The following NRG1 variants were observed in gnomAD, a reference collection of about 807,000 sequenced individuals.
NRG1 encodes pro-neuregulin-1, membrane-bound isoform.
NRG1 carries 18 observed loss-of-function variants against 63.8 expected under a neutral mutation model. The ratio of observed to expected loss-of-function variants is 0.28; its 90% CI spans 0.19 to 0.42. NRG1 has a LOEUF of 0.42. NRG1 is among the 10% of genes least tolerant of loss of function. The pLI is 1.00. For synonymous variants in NRG1, 302 were observed against 301.3 expected (o/e 1.00, Z -0.02); for missense variants, 762 against 814.7 (o/e 0.94, Z 0.79).
intron 5 of NRG1, among the ~76,000 whole-genome samples, chr8:32,633,151 G>C (rs1850654962): frequency 6.6e-6 from 1 of 151,802 alleles, no homozygotes; most frequent in Non-Finnish European, 1.5e-5. Flanking sequence ...TTGTGCTTTG[G>C]TATCACCAGT....
At chr8:31,888,825 T>C (rs776365) in intron 1 of NRG1, among the ~76,000 whole-genome samples, 103,605 of 151,922 alleles carry the variant, frequency 0.68, 35,740 homozygotes, top group East Asian at 0.92. Flanking sequence ...TTTCTCTCTG[T>C]TGATAGTTAT....
chr8:32,177,314 A>C, intron 1 of NRG1, among the ~76,000 whole-genome samples: 2 of 114,924 alleles, frequency 1.7e-5, no homozygotes, highest in African/African-American at 3.3e-5. Flanking sequence ...AACATCACAC[A>C]CTGGGGCCTG....
At chr8:32,659,146 CTTTTT>C (rs11408766) in intron 5 of NRG1, among the ~76,000 whole-genome samples, 3 of 136,040 alleles carry the variant, frequency 2.2e-5, no homozygotes, top group African/African-American at 8.1e-5. Context: ...CTTTTCTTTT[CTTTTT>C]TTTTTTTTTT....
intron 1 of NRG1, among the ~76,000 whole-genome samples, chr8:32,552,832 A>G (rs1259960546): frequency 6.6e-6 from 1 of 152,166 alleles, no homozygotes; most frequent in East Asian, 1.9e-4. Flanking sequence ...AGGAGAAAAA[A>G]TATATATAGA....
chr8:32,754,517 A>AAG, intron 8 of NRG1, 43 bp downstream of exon 8: 1 of 1,576,624 alleles, frequency 6.3e-7, no homozygotes, highest in African/African-American at 1.3e-5. Context: ...CTTCATGCAG[A>AAG]GACAGCTTAG....
At chr8:32,557,242 T>C (rs1194262095) in intron 1 of NRG1, among the ~76,000 whole-genome samples, 2 of 152,046 alleles carry the variant, frequency 1.3e-5, no homozygotes, top group African/African-American at 4.8e-5. Context: ...CTCCTGACCT[T>C]GTGATTAACC....
At chr8:32,347,902 T>C (rs866254717) in intron 1 of NRG1, among the ~76,000 whole-genome samples, 5 of 152,214 alleles carry the variant, frequency 3.3e-5, no homozygotes, top group African/African-American at 1.2e-4. Context: ...TCAATGTTCA[T>C]GAATACAAGA....
At chr8:32,718,180 A>G (rs533228697) in intron 5 of NRG1, among the ~76,000 whole-genome samples, 1 of 152,196 alleles carries the variant, frequency 6.6e-6, no homozygotes, top group African/African-American at 2.4e-5. Flanking sequence ...AATGGGCCTC[A>G]GTTCCTCTGT....
rs1316776830 is a variant in NRG1, at chr8:32,025,699, G to T, written c.37+386268G>T. ...ACAGTGGCTCACGCCTGTAATCCCC[G>T]CACTCTGGGAGGCCGAGGCGGGCGG... On this transcript the variant is annotated intron_variant, in intron 1 of 10. Coordinates refer to the NRG1 transcript ENST00000519301. Among the ~76,000 whole-genome samples, 3 of 151,366 alleles carry T rather than the reference G, an allele frequency of 2.0e-5. No individual in the cohort carries two copies. In the East Asian group the frequency reaches 6.0e-4, roughly 30 times the overall value.
rs556278758 is a variant in NRG1 at position 31,913,409 on chromosome 8, C to T, written c.37+273978C>T. 1.5e-4 allele frequency among the ~76,000 whole-genome samples: 23 copies of T among 152,178 alleles called. No homozygotes were observed. The East Asian group carries it at 4.4e-3, about 29-fold the overall frequency. ...TTCCCATCATTCTTAGAAATAAACC[C>T]CAAATGAATATTTTTGTCCATGTCT... On this transcript the variant is annotated intron_variant, in intron 1 of 10. Coordinates refer to the NRG1 transcript ENST00000519301.
upstream of NRG1, among the ~76,000 whole-genome samples, chr8:32,544,899 C>G (rs1053904715): frequency 1.3e-5 from 2 of 152,098 alleles, no homozygotes; most frequent in African/African-American, 2.4e-5. Context: ...GAAGTTGACT[C>G]TGCTGAGTGA....
intron 1 of NRG1, among the ~76,000 whole-genome samples, chr8:32,174,411 A>T (rs990353226): frequency 2.0e-5 from 3 of 152,168 alleles, no homozygotes; most frequent in Non-Finnish European, 4.4e-5. Flanking sequence ...CCCTAACATC[A>T]CAATTAAAAG....
At chr8:32,084,101 A>G (rs1586983146) in intron 1 of NRG1, among the ~76,000 whole-genome samples, 1 of 152,336 alleles carries the variant, frequency 6.6e-6, no homozygotes, top group South Asian at 2.1e-4. Context: ...AATGTGAAGC[A>G]TTATACCCAT....
chr8:32,686,188 CTT>C lies in NRG1; in HGVS notation c.503-41759_503-41758del, dbSNP rs548794145. On this transcript the variant is annotated intron_variant, in intron 5 of 11. Coordinates refer to ENST00000356819, the Ensembl canonical transcript of NRG1. The stretch of plus-strand genomic sequence containing the variant: ...GCAAATGCAAGTTACCAATATGACT[CTT>C]TGCTACTTCTTTCCATAAGAAGACA... Among the ~76,000 whole-genome samples, 10 of 152,234 alleles carry C rather than the reference CTT, an allele frequency of 6.6e-5. No homozygotes were observed. The East Asian group carries it at 1.9e-3, about 29-fold the overall frequency.
At chr8:32,680,607 AGGACT>A (rs1808352821) in intron 5 of NRG1, among the ~76,000 whole-genome samples, 1 of 152,272 alleles carries the variant, frequency 6.6e-6, no homozygotes, top group Non-Finnish European at 1.5e-5. Flanking sequence ...TATTGATGAC[AGGACT>A]GGACTTTTTT....
At chr8:32,336,802 G>A (rs1312520523) in intron 1 of NRG1, among the ~76,000 whole-genome samples, 1 of 152,086 alleles carries the variant, frequency 6.6e-6, no homozygotes, top group Non-Finnish European at 1.5e-5. Context: ...TAGAGATGGG[G>A]TTTCACCATG....
chr8:32,124,228 A>G (rs948066630), intron 1 of NRG1, among the ~76,000 whole-genome samples: 1 of 151,932 alleles, frequency 6.6e-6, no homozygotes, highest in Admixed American at 6.6e-5. Flanking sequence ...TTCTTTAGCC[A>G]TGCACCAAGT....
At chr8:32,092,587 C>CG (rs1829341681) in intron 1 of NRG1, among the ~76,000 whole-genome samples, 1 of 151,984 alleles carries the variant, frequency 6.6e-6, no homozygotes, top group African/African-American at 2.4e-5. Context: ...GCGGGAGCTC[C>CG]GGGCTCAGAA....
chr8:31,841,532 T>A (rs1173144934), intron 1 of NRG1, among the ~76,000 whole-genome samples: 1 of 152,122 alleles, frequency 6.6e-6, no homozygotes, highest in African/African-American at 2.4e-5. Flanking sequence ...CTATTTAAAG[T>A]GTGCAATCCA....
Sources: gnomAD v4.1 joint callset for allele counts (sites outside exome capture counted in the v4.1 genomes callset) on GRCh38, gnomAD v4.1.1 for gene constraint, MANE v1.5 for transcripts, NCBI Gene and HGNC (gene_info 2026-07-23, HGNC 2026-07-21) for gene names.